The following SNRPF variants were observed in gnomAD, a reference collection of about 807,000 sequenced individuals.
SNRPF encodes small nuclear ribonucleoprotein polypeptide F.
A neutral mutation model predicts 13.4 loss-of-function variants in SNRPF; 1 was observed. That is an observed-to-expected ratio of 0.07 (90% confidence interval 0.03 to 0.35). The LOEUF is 0.35. Among genes scored for constraint, SNRPF ranks in the 10% least tolerant of loss-of-function variants. The pLI is 0.99. For missense variants in SNRPF, 53 were observed against 101.0 expected (o/e 0.52, Z 2.04); for synonymous variants, 27 against 32.1 (o/e 0.84, Z 0.54).
intron 1 of SNRPF, among the ~76,000 whole-genome samples, chr12:95,860,852 CTT>C (rs10689270): frequency 4.1e-5 from 4 of 96,542 alleles, no homozygotes; most frequent in Admixed American, 2.2e-4. Context: ...ACCTGGCCCG[CTT>C]TTTTTTTTTT....
At chr12:95,862,292 T>C (rs896611885) in intron 2 of SNRPF, among the ~76,000 whole-genome samples, 1 of 152,228 alleles carries the variant, frequency 6.6e-6, no homozygotes, top group African/African-American at 2.4e-5. Context: ...TGCTTCCCTC[T>C]TTGGACTGTA....
intron 2 of SNRPF, among the ~76,000 whole-genome samples, chr12:95,864,663 G>A (rs1050302947): frequency 6.6e-6 from 1 of 152,212 alleles, no homozygotes; most frequent in Admixed American, 6.5e-5. Flanking sequence ...CCAGCACTTT[G>A]GGAGGCCAAG....
rs528714093 is a variant in SNRPF, at chr12:95,859,207, T to A, written c.3+131T>A. ...AGGCGCCGCGCACCCTGTCGCCAGC[T>A]CCTTTCACTCTGCTTTTAGGTTTCT... On this transcript the variant is annotated intron_variant, in intron 1 of 3. Transcript: ENST00000266735. 17 of 747,050 alleles carry A rather than the reference T, an allele frequency of 2.3e-5. No individual in the cohort carries two copies. The African/African-American group carries it at 4.1e-4, about 18-fold the overall frequency. The allele number at this position is 747,050 out of a possible 1,614,324, so 46.3% of individuals were successfully genotyped here. A position where few individuals can be genotyped will look rare whatever the true frequency, so the allele number is the denominator to read the frequency against.
chr12:95,861,440 G>A, intron 2 of SNRPF, 147 bp downstream of exon 2: 1 of 596,258 alleles, frequency 1.7e-6, no homozygotes, highest in South Asian at 1.8e-5. Flanking sequence ...AGCCAGGAGG[G>A]ATACTGTGAT....
Position 95,865,300 on chromosome 12 carries a change from TA to T in SNRPF, c.130-22del, listed in dbSNP as rs750063476. 11 of 1,202,996 alleles carry T rather than the reference TA, an allele frequency of 9.1e-6. No homozygotes were observed. The African/African-American group carries it at 1.6e-4, about 18-fold the overall frequency. 74.5% of individuals were successfully genotyped at this position (1,202,996 alleles called of 1,614,324 possible). ...ATATTTTCCTCCTGTGTGATTATACTAATATATTTCTTTTTATTGAAAGCTT... is the reference window on the plus strand; with the variant it reads ...ATATTTTCCTCCTGTGTGATTATACTATATATTTCTTTTTATTGAAAGCTT... On this transcript the variant is annotated intron_variant, in intron 2 of 3. Coordinates refer to ENST00000266735, the MANE Select transcript of SNRPF (RefSeq NM_003095.5).
At chr12:95,865,114 A>G in intron 2 of SNRPF, 1 of 358,832 alleles carries the variant, frequency 2.8e-6, no homozygotes, top group Non-Finnish European at 5.0e-6. Context: ...TGTTGAAACA[A>G]GCTTTGAATA....
chr12:95,859,302 C>G (rs930249700), intron 1 of SNRPF, among the ~76,000 whole-genome samples: 1 of 152,088 alleles, frequency 6.6e-6, no homozygotes, highest in African/African-American at 2.4e-5. Flanking sequence ...TTGTTTGAAT[C>G]CGGGCCTGGG....
intron 1 of SNRPF, 105 bp downstream of exon 1, chr12:95,859,181 G>A: frequency 9.9e-7 from 1 of 1,011,326 alleles, no homozygotes; most frequent in Non-Finnish European, 1.5e-6. Context: ...TCATCCGCGT[G>A]AGGCGCCGCG....
chr12:95,861,431 G>C, intron 2 of SNRPF, 138 bp downstream of exon 2: 1 of 697,700 alleles, frequency 1.4e-6, no homozygotes, highest in East Asian at 3.8e-5. Context: ...TAAAGTCAAA[G>C]CCAGGAGGGA....
intron 2 of SNRPF, chr12:95,861,553 A>G (rs2079496539): frequency 3.7e-6 from 1 of 271,224 alleles, no homozygotes; most frequent in South Asian, 3.7e-5. Flanking sequence ...TAATAATACC[A>G]TAAGGGAAAC....
At chr12:95,859,790 C>T (rs751130017) in intron 1 of SNRPF, among the ~76,000 whole-genome samples, 1 of 152,112 alleles carries the variant, frequency 6.6e-6, no homozygotes, top group African/African-American at 2.4e-5. Flanking sequence ...TGGGCAGGAC[C>T]TCTTAGGCTG....
intron 1 of SNRPF, among the ~76,000 whole-genome samples, chr12:95,860,317 C>T (rs1192370179): frequency 6.6e-6 from 1 of 152,162 alleles, no homozygotes; most frequent in Admixed American, 6.5e-5. Flanking sequence ...ATCACTCTTC[C>T]CTCCTTTTAC....
chr12:95,859,215 C>A, intron 1 of SNRPF, 139 bp downstream of exon 1: 1 of 691,404 alleles, frequency 1.4e-6, no homozygotes, highest in Non-Finnish European at 2.4e-6. Flanking sequence ...GCTCCTTTCA[C>A]TCTGCTTTTA....
intron 1 of SNRPF, 21 bp downstream of exon 1, chr12:95,859,097 G>A (rs1167380248): frequency 1.3e-6 from 2 of 1,598,408 alleles, no homozygotes; most frequent in South Asian, 1.1e-5. Flanking sequence ...AGAGAACGGC[G>A]GGAGAAGCGG....
chr12:95,865,078 C>T, intron 2 of SNRPF: 1 of 298,084 alleles, frequency 3.4e-6, no homozygotes, highest in South Asian at 8.8e-5. Context: ...AGAAATATTA[C>T]ATAACCTGGG....
rs546230482 is a variant in SNRPF at position 95,862,333 on chromosome 12, C to T, written c.129+1040C>T. ...TAATGCTGCTGTGAACATGGGTATA[C>T]GAATGTCTGTTCCAGTCACTGCTTT... On this transcript the variant is annotated intron_variant, in intron 2 of 3. Coordinates refer to ENST00000266735, the MANE Select transcript of SNRPF (RefSeq NM_003095.5). Among the ~76,000 whole-genome samples the T allele has an allele frequency of 5.3e-5, 8 of 152,064 alleles. No homozygotes were observed. The South Asian group carries it at 8.3e-4, about 16-fold the overall frequency.
intron 1 of SNRPF, among the ~76,000 whole-genome samples, chr12:95,860,669 C>A (rs1317978368): frequency 6.6e-6 from 1 of 151,996 alleles, no homozygotes; most frequent in Non-Finnish European, 1.5e-5. Context: ...GCAGTCCTCC[C>A]ACCTCATCCT....
In SNRPF at chr12:95,861,227, G is replaced by A; in HGVS notation, c.63G>A (p.Val21=). 1 of 1,612,572 alleles carries A rather than the reference G, an allele frequency of 6.2e-7. No homozygotes were observed. The highest frequency in any genetic ancestry group is 8.5e-7 in the Non-Finnish European group (1 of 1,179,032). ...LNGLTGKPVM[V]KLKWGMEYKG... ...GACTAACAGGAAAGCCAGTGATGGT[G>A]AAACTTAAGTGGGGAATGGAGTACA... The change falls in exon 2 of 4, where the codon GTG becomes GTA. Residue 21 remains valine, a synonymous_variant. Coordinates refer to ENST00000266735, the MANE Select transcript of SNRPF (RefSeq NM_003095.5).
At position 95,865,020 on chromosome 12, in the gene SNRPF, G is replaced by A. The variant is rs2079514142; in HGVS notation, c.130-304G>A. The A allele has an allele frequency of 2.1e-5, 4 of 194,878 alleles. No homozygotes were observed. In the South Asian group the frequency reaches 6.9e-4, roughly 34 times the overall value. 12.1% of individuals were successfully genotyped at this position (194,878 alleles called of 1,614,324 possible). A position where few individuals can be genotyped will look rare whatever the true frequency, so the allele number is the denominator to read the frequency against. On this transcript the variant is annotated intron_variant, in intron 2 of 3. Transcript: ENST00000266735. Reference sequence around the variant, plus strand: ...TATACCTATTTGGACACCTCAATATGAGTTAGAGACTGCCTTCTTCCACAC... The same window carrying A: ...TATACCTATTTGGACACCTCAATATAAGTTAGAGACTGCCTTCTTCCACAC...
Sources: gnomAD v4.1 joint callset for allele counts (sites outside exome capture counted in the v4.1 genomes callset) on GRCh38, gnomAD v4.1.1 for gene constraint, MANE v1.5 for transcripts, NCBI Gene and HGNC (gene_info 2026-07-23, HGNC 2026-07-21) for gene names.